The following ACTR3C variants were observed in gnomAD, a reference collection of about 807,000 sequenced individuals.
ACTR3C encodes the protein actin related protein 3C.
In ACTR3C, 18 loss-of-function variants were observed where a neutral mutation model predicts 26.3. That is an observed-to-expected ratio of 0.68 (90% CI 0.47 to 1.01). The LOEUF is 1.01. ACTR3C is among the 50% of genes least tolerant of loss of function. The probability of loss-of-function intolerance (pLI) is 0.00; values close to 1 mark genes in which losing one functional copy is unlikely to be tolerated. For synonymous variants in ACTR3C, 55 were observed against 94.5 expected (o/e 0.58, Z 2.42); for missense variants, 184 against 250.7 (o/e 0.73, Z 1.80).
At chr7:150,233,829 C>T in the ACTR3C span, among the ~76,000 whole-genome samples, 4 of 151,990 alleles carry the variant, frequency 2.6e-5, no homozygotes, top group Admixed American at 6.5e-5. Flanking sequence ...GAGTCTGGTT[C>T]TGATGCTTGC....
At chr7:150,087,471 T>TA in the ACTR3C span, among the ~76,000 whole-genome samples, 3 of 152,202 alleles carry the variant, frequency 2.0e-5, no homozygotes, top group Non-Finnish European at 2.9e-5. Flanking sequence ...GGGGATTACA[T>TA]ACGCTACAGG....
chr7:149,984,525 C>G, the ACTR3C span, among the ~76,000 whole-genome samples: 2 of 151,098 alleles, frequency 1.3e-5, no homozygotes, highest in South Asian at 2.1e-4. Flanking sequence ...ATTGTTGATG[C>G]ATTCCTTGCT....
chr7:150,205,668 T>C, the ACTR3C span, among the ~76,000 whole-genome samples: 1 of 152,230 alleles, frequency 6.6e-6, no homozygotes. Context: ...TTTTTTTCCT[T>C]GTTCCCTTTT....
intron 1 of ACTR3C, among the ~76,000 whole-genome samples, chr7:150,320,688 G>A (rs764666974): frequency 9.9e-5 from 15 of 152,280 alleles, no homozygotes; most frequent in Middle Eastern, 3.4e-3. Context: ...ACTTGAACCC[G>A]GGAGGCAGAG....
the ACTR3C span, among the ~76,000 whole-genome samples, chr7:150,177,902 A>G: frequency 6.6e-3 from 994 of 150,918 alleles, 80 homozygotes; most frequent in African/African-American, 0.023. Context: ...AATTACATTG[A>G]TTCTTGAAAA....
At chr7:150,308,253 C>T (rs1008113780) in intron 1 of ACTR3C, among the ~76,000 whole-genome samples, 7 of 152,094 alleles carry the variant, frequency 4.6e-5, no homozygotes, top group African/African-American at 9.7e-5. Context: ...ACCTTCCACC[C>T]TCCATTCCTC....
At chr7:150,123,254 CA>C in the ACTR3C span, among the ~76,000 whole-genome samples, 1 of 149,716 alleles carries the variant, frequency 6.7e-6, no homozygotes, top group Admixed American at 6.6e-5. Flanking sequence ...AAAATCAGGA[CA>C]AAAAAAAAGA....
At chr7:149,915,975 C>T in the ACTR3C span, among the ~76,000 whole-genome samples, 8 of 150,604 alleles carry the variant, frequency 5.3e-5, no homozygotes, top group East Asian at 1.9e-4. Context: ...CTGCCATAAA[C>T]GGATATATAA....
the ACTR3C span, among the ~76,000 whole-genome samples, chr7:149,943,563 C>T: frequency 4.0e-5 from 6 of 151,708 alleles, no homozygotes; most frequent in African/African-American, 1.5e-4. Context: ...CCGGTCTCTA[C>T]TAAAAATACA....
the ACTR3C span, among the ~76,000 whole-genome samples, chr7:149,898,595 T>G: frequency 5.5e-5 from 8 of 145,994 alleles, 1 homozygote; most frequent in East Asian, 2.0e-4. Flanking sequence ...TCCCAGCTAC[T>G]CAGGAGGCTG....
chr7:150,033,325 C>T, the ACTR3C span, among the ~76,000 whole-genome samples: 1 of 152,210 alleles, frequency 6.6e-6, no homozygotes, highest in Non-Finnish European at 1.5e-5. Flanking sequence ...CTCTAGGGCT[C>T]TTCTCATTCT....
At chr7:150,067,922 GA>G in the ACTR3C span, among the ~76,000 whole-genome samples, 3 of 151,344 alleles carry the variant, frequency 2.0e-5, no homozygotes, top group African/African-American at 4.9e-5. Context: ...AAATGAGACA[GA>G]AAAAAAATGA....
chr7:149,993,571 C>G, the ACTR3C span, among the ~76,000 whole-genome samples: 2 of 152,030 alleles, frequency 1.3e-5, no homozygotes, highest in African/African-American at 4.8e-5. Flanking sequence ...AGGAACAGGA[C>G]AGAAGGAAGA....
intron 6 of ACTR3C, among the ~76,000 whole-genome samples, chr7:150,259,270 A>AG (rs57240242): frequency 0.11 from 16,320 of 148,298 alleles, 1,553 homozygotes; most frequent in African/African-American, 0.25. Flanking sequence ...GAAAGAAGAA[A>AG]GAAAAAGAAA....
the ACTR3C span, among the ~76,000 whole-genome samples, chr7:150,160,409 A>C: frequency 6.6e-6 from 1 of 152,084 alleles, no homozygotes; most frequent in East Asian, 1.9e-4. Flanking sequence ...CTTCTCTGAA[A>C]CTAGGTCAAC....
the ACTR3C span, among the ~76,000 whole-genome samples, chr7:150,104,730 A>C: frequency 6.6e-6 from 1 of 152,034 alleles, no homozygotes; most frequent in South Asian, 2.1e-4. Context: ...GTTTTTGTCA[A>C]TGGTTCCTTA....
the ACTR3C span, among the ~76,000 whole-genome samples, chr7:150,013,705 C>A: frequency 6.6e-6 from 1 of 152,206 alleles, no homozygotes; most frequent in Admixed American, 6.5e-5. Context: ...CTGGAGCTGT[C>A]CCCATAACCA....
the ACTR3C span, among the ~76,000 whole-genome samples, chr7:150,198,605 C>T: frequency 3.4e-5 from 5 of 148,766 alleles, no homozygotes; most frequent in Admixed American, 6.6e-5. Context: ...ATCCTCCGCC[C>T]GGCAGCCGCC....
chr7:150,279,073 C>G (rs1835113629), intron 6 of ACTR3C, among the ~76,000 whole-genome samples: 1 of 152,150 alleles, frequency 6.6e-6, no homozygotes, highest in South Asian at 2.1e-4. Flanking sequence ...GGGGCTGAGG[C>G]AGGATGATCA....
Sources: gnomAD v4.1 joint callset for allele counts (sites outside exome capture counted in the v4.1 genomes callset) on GRCh38, gnomAD v4.1.1 for gene constraint, MANE v1.5 for transcripts, NCBI Gene and HGNC (gene_info 2026-07-23, HGNC 2026-07-21) for gene names.